The following BBS9 variants were observed in gnomAD, a reference collection of about 807,000 sequenced individuals.
BBS9 encodes protein PTHB1.
Under a neutral mutation model 117.7 loss-of-function variants are expected in BBS9, and 89 were observed. That is an observed-to-expected ratio of 0.76 (90% confidence interval 0.64 to 0.90). The LOEUF is 0.90. Among genes scored for constraint, BBS9 ranks in the 40% least tolerant of loss-of-function variants. The probability of loss-of-function intolerance (pLI) is 0.00; values close to 1 mark genes in which losing one functional copy is unlikely to be tolerated. For missense variants in BBS9, 982 were observed against 1,042.2 expected (o/e 0.94, Z 0.80); for synonymous variants, 379 against 370.9 (o/e 1.02, Z -0.25).
chr7:33,165,706 A>G (rs953557239), intron 4 of BBS9, among the ~76,000 whole-genome samples: 1 of 152,010 alleles, frequency 6.6e-6, no homozygotes, highest in African/African-American at 2.4e-5. Context: ...CTTCTTCTCT[A>G]CACTGTTTAT....
intron 5 of BBS9, among the ~76,000 whole-genome samples, chr7:33,248,736 A>AT (rs946785228): frequency 1.1e-4 from 16 of 152,126 alleles, no homozygotes; most frequent in African/African-American, 2.9e-4. Flanking sequence ...ACAATAACAA[A>AT]TTTTTTTTCC....
chr7:33,460,965 C>A (rs1415483643), intron 19 of BBS9, among the ~76,000 whole-genome samples: 1 of 152,056 alleles, frequency 6.6e-6, no homozygotes, highest in Non-Finnish European at 1.5e-5. Flanking sequence ...CTGGATATTT[C>A]ATATAATTGG....
intron 20 of BBS9, among the ~76,000 whole-genome samples, chr7:33,515,060 A>G (rs10253978): frequency 0.085 from 12,964 of 152,210 alleles, 589 homozygotes; most frequent in South Asian, 0.14. Context: ...TACTATTGCC[A>G]CTGTATGACA....
chr7:33,554,660 C>G (rs1329899736), intron 21 of BBS9, among the ~76,000 whole-genome samples: 1 of 152,050 alleles, frequency 6.6e-6, no homozygotes, highest in African/African-American at 2.4e-5. Context: ...ATTTGAGAGG[C>G]CTAGTTGGCA....
At chr7:33,296,975 CA>C (rs1805407316) in intron 9 of BBS9, among the ~76,000 whole-genome samples, 1 of 152,076 alleles carries the variant, frequency 6.6e-6, no homozygotes, top group Non-Finnish European at 1.5e-5. Context: ...TGGTTATCTT[CA>C]AAAGTTGCAG....
intron 19 of BBS9, among the ~76,000 whole-genome samples, chr7:33,392,671 C>T (rs758113100): frequency 4.1e-4 from 63 of 152,128 alleles, no homozygotes; most frequent in Middle Eastern, 3.4e-3. Context: ...CTATTTTAAA[C>T]GAACAGTTCT....
At chr7:33,160,811 A>C (rs992155883) in intron 4 of BBS9, among the ~76,000 whole-genome samples, 1 of 152,132 alleles carries the variant, frequency 6.6e-6, no homozygotes, top group Non-Finnish European at 1.5e-5. Flanking sequence ...TTTGTGTTCT[A>C]GATTTTGAAG....
intron 19 of BBS9, among the ~76,000 whole-genome samples, chr7:33,425,023 A>C (rs1353098757): frequency 6.6e-6 from 1 of 152,180 alleles, no homozygotes; most frequent in Non-Finnish European, 1.5e-5. Flanking sequence ...AAGTGATCAC[A>C]TTCTATTTTA....
chr7:33,287,614 T>C (rs1803144205), intron 9 of BBS9, among the ~76,000 whole-genome samples: 1 of 152,178 alleles, frequency 6.6e-6, no homozygotes, highest in African/African-American at 2.4e-5. Flanking sequence ...AATGTGGAAC[T>C]GTATTCAATG....
At chr7:33,280,910 TG>T (rs59761647) in intron 9 of BBS9, among the ~76,000 whole-genome samples, 9,036 of 73,476 alleles carry the variant, frequency 0.12, 2,167 homozygotes, top group African/African-American at 0.3. Context: ...TTGTCGTTTT[TG>T]TTTTTTTTTT....
At chr7:33,387,911 T>C (rs1345672707) in intron 18 of BBS9, 81 bp from the exon 19 acceptor site, 3 of 1,468,610 alleles carry the variant, frequency 2.0e-6, no homozygotes, top group Middle Eastern at 3.6e-4. Flanking sequence ...TCTTTTACTT[T>C]TATTATCATT....
chr7:33,141,939 CT>C (rs918787593), intron 1 of BBS9, among the ~76,000 whole-genome samples: 23 of 146,806 alleles, frequency 1.6e-4, no homozygotes, highest in South Asian at 2.2e-4. Flanking sequence ...GTTTTAAATT[CT>C]TTTTTTTTTT....
intron 9 of BBS9, among the ~76,000 whole-genome samples, chr7:33,289,468 T>C (rs1267355403): frequency 6.6e-6 from 1 of 152,200 alleles, no homozygotes; most frequent in African/African-American, 2.4e-5. Flanking sequence ...AAAAGTGTTT[T>C]TTCTTTTTAT....
chr7:33,591,238 A>C (rs1320794896), intron 21 of BBS9, among the ~76,000 whole-genome samples: 1 of 152,040 alleles, frequency 6.6e-6, no homozygotes, highest in Non-Finnish European at 1.5e-5. Context: ...TCTTTGCATA[A>C]GAGGAAAAAA....
chr7:33,420,543 A>G (rs1482039700), intron 19 of BBS9, among the ~76,000 whole-genome samples: 1 of 152,152 alleles, frequency 6.6e-6, no homozygotes, highest in Non-Finnish European at 1.5e-5. Context: ...GAAGCCATGC[A>G]GCAGGTGCTT....
At position 33,353,547 on chromosome 7, in the gene BBS9, A is replaced by G. The variant is rs973801867; in HGVS notation, c.1552+674A>G. Among the ~76,000 whole-genome samples, 3 of 152,218 alleles carry G rather than the reference A, an allele frequency of 2.0e-5. 1 individual carries two copies. The South Asian group carries it at 6.2e-4, about 32-fold the overall frequency. On this transcript the variant is annotated intron_variant, in intron 15 of 22. Coordinates refer to ENST00000242067, the MANE Select transcript of BBS9 (RefSeq NM_198428.3). ...GCAGGGGTCAAGCACTCATCTTTGA[A>G]TTGCATACTAACAGAGTACATAGCA... is the stretch of plus-strand genomic sequence containing the variant.
chr7:33,565,781 GTATATA>G (rs70989957), intron 21 of BBS9, among the ~76,000 whole-genome samples: 1,355 of 65,172 alleles, frequency 0.021, 25 homozygotes, highest in East Asian at 0.041. Flanking sequence ...GCTATCAGTA[GTATATA>G]TATATATATA....
chr7:33,232,496 A>T (rs908512326), intron 5 of BBS9, among the ~76,000 whole-genome samples: 1 of 152,146 alleles, frequency 6.6e-6, no homozygotes, highest in Non-Finnish European at 1.5e-5. Context: ...TTAAAATGGT[A>T]AACTGTGATT....
chr7:33,129,349 A>G, upstream of BBS9: 2 of 516,146 alleles, frequency 3.9e-6, no homozygotes, highest in Non-Finnish European at 3.4e-6. Flanking sequence ...AACTGCTGCC[A>G]GGACAGGGCA....
Sources: gnomAD v4.1 joint callset for allele counts (sites outside exome capture counted in the v4.1 genomes callset) on GRCh38, gnomAD v4.1.1 for gene constraint, MANE v1.5 for transcripts, NCBI Gene and HGNC (gene_info 2026-07-23, HGNC 2026-07-21) for gene names.